STX2: variants seen among roughly 807,000 people sequenced by gnomAD.
STX2 encodes the protein syntaxin-2.
Under a neutral mutation model 40.6 loss-of-function variants are expected in STX2, and 27 were observed. The ratio of observed to expected loss-of-function variants is 0.66; its 90% CI spans 0.49 to 0.92. The LOEUF (loss-of-function observed/expected upper bound fraction) is 0.92. Among genes scored for constraint, STX2 ranks in the 40% least tolerant of loss-of-function variants. The pLI, the probability that STX2 is intolerant of heterozygous loss-of-function variation, is 0.00. For synonymous variants in STX2, 123 were observed against 119.1 expected (o/e 1.03, Z -0.22); for missense variants, 328 against 366.1 (o/e 0.90, Z 0.85).
At chr12:130,805,011 C>T (rs925315909) in intron 6 of STX2, among the ~76,000 whole-genome samples, 4 of 152,128 alleles carry the variant, frequency 2.6e-5, no homozygotes, top group Non-Finnish European at 5.9e-5. Flanking sequence ...GCGGGGCCTT[C>T]AAGCCCAGGC....
rs1950882288 is a variant in STX2 at position 130,791,751 on chromosome 12, T to C, written c.*272A>G. On this transcript the variant is annotated 3_prime_UTR_variant, in exon 11 of 11. Transcript: ENST00000392373. ...GCTGTCACTGAACAAGACGTTCGGTTGTGCTTCTTCCGTGAACTCATACAT... is the reference window on the plus strand; with the variant it reads ...GCTGTCACTGAACAAGACGTTCGGTCGTGCTTCTTCCGTGAACTCATACAT... 2.9e-6 allele frequency: 2 copies of C among 681,194 alleles called. No homozygotes were observed. Among genetic ancestry groups the C allele is most frequent in the African/African-American group, 1.8e-5 (1 of 54,914 alleles). 42.2% of individuals were successfully genotyped at this position (681,194 alleles called of 1,614,324 possible).
intron 1 of STX2, among the ~76,000 whole-genome samples, chr12:130,828,953 T>C (rs1193425145): frequency 1.3e-5 from 2 of 151,186 alleles, no homozygotes; most frequent in African/African-American, 4.9e-5. Context: ...TAGACCCACA[T>C]AGTTTAACAC....
At chr12:130,816,030 T>C (rs1951845938) in intron 3 of STX2, among the ~76,000 whole-genome samples, 1 of 152,154 alleles carries the variant, frequency 6.6e-6, no homozygotes, top group Admixed American at 6.5e-5. Flanking sequence ...GGTCCATAGT[T>C]TGTGGCAGGG....
intron 1 of STX2, among the ~76,000 whole-genome samples, chr12:130,831,528 C>T (rs1443756027): frequency 1.3e-5 from 2 of 151,944 alleles, no homozygotes; most frequent in South Asian, 2.1e-4. Context: ...ATTAGCCAGG[C>T]GTGGTGGCTC....
At chr12:130,833,902 CT>C (rs1377210132) in intron 1 of STX2, among the ~76,000 whole-genome samples, 1 of 152,186 alleles carries the variant, frequency 6.6e-6, no homozygotes, top group Non-Finnish European at 1.5e-5. Context: ...ATGCAGAATA[CT>C]GAGGCTTCAG....
At chr12:130,802,775 G>C (rs983861015) in intron 6 of STX2, among the ~76,000 whole-genome samples, 6 of 152,116 alleles carry the variant, frequency 3.9e-5, no homozygotes, top group Non-Finnish European at 8.8e-5. Flanking sequence ...GCTGGGATTA[G>C]TATACATGTG....
intron 3 of STX2, among the ~76,000 whole-genome samples, chr12:130,814,928 T>C (rs1257725407): frequency 6.6e-6 from 1 of 152,076 alleles, no homozygotes; most frequent in African/African-American, 2.4e-5. Context: ...AGCCACTGCA[T>C]CCAGCCTAAA....
At chr12:130,792,009 T>C in intron 10 of STX2, 32 bp from the exon 11 acceptor site, 2 of 1,471,408 alleles carry the variant, frequency 1.4e-6, no homozygotes, top group East Asian at 2.3e-5. Flanking sequence ...TAATTTGCAA[T>C]GTATCAAAGA....
At chr12:130,833,218 G>A (rs79152194) in intron 1 of STX2, among the ~76,000 whole-genome samples, 5,207 of 151,938 alleles carry the variant, frequency 0.034, 168 homozygotes, top group South Asian at 0.05. Context: ...GAGGAGAGTG[G>A]GAAAGTACAC....
intron 9 of STX2, among the ~76,000 whole-genome samples, chr12:130,796,805 C>T (rs1488476951): frequency 1.3e-5 from 2 of 152,180 alleles, no homozygotes; most frequent in African/African-American, 2.4e-5. Flanking sequence ...AGTACTTGGC[C>T]TTTCGCTCCT....
At chr12:130,836,032 A>C (rs892857153) in intron 1 of STX2, among the ~76,000 whole-genome samples, 2 of 152,130 alleles carry the variant, frequency 1.3e-5, no homozygotes, top group Admixed American at 6.6e-5. Flanking sequence ...GAGGCATTTT[A>C]ACCAACAAAA....
chr12:130,836,847 T>G (rs1457592752), intron 1 of STX2, among the ~76,000 whole-genome samples: 1 of 152,208 alleles, frequency 6.6e-6, no homozygotes, highest in African/African-American at 2.4e-5. Context: ...CTCTGACTGC[T>G]CAGCTGCTGT....
chr12:130,833,539 T>C (rs1446164720), intron 1 of STX2, among the ~76,000 whole-genome samples: 1 of 151,040 alleles, frequency 6.6e-6, no homozygotes, highest in East Asian at 2.0e-4. Flanking sequence ...GCTTCCCAAA[T>C]AGCAGAGATT....
chr12:130,818,274 A>G (rs1469402064), intron 3 of STX2, among the ~76,000 whole-genome samples: 2 of 143,618 alleles, frequency 1.4e-5, no homozygotes, highest in South Asian at 2.2e-4. Context: ...GGGAGGCTGC[A>G]GTGGGAGGAC....
chr12:130,837,731 A>T (rs954866990), intron 1 of STX2, among the ~76,000 whole-genome samples: 3 of 152,210 alleles, frequency 2.0e-5, no homozygotes, highest in African/African-American at 7.2e-5. Context: ...TTCTTCATTA[A>T]ATAAATACCT....
intron 3 of STX2, among the ~76,000 whole-genome samples, chr12:130,821,186 A>AAG (rs1952098769): frequency 6.6e-6 from 1 of 152,182 alleles, no homozygotes; most frequent in Non-Finnish European, 1.5e-5. Flanking sequence ...GAGAATTTGG[A>AAG]TAAACAGGTA....
At chr12:130,818,053 C>T (rs1179789811) in intron 3 of STX2, among the ~76,000 whole-genome samples, 1 of 150,374 alleles carries the variant, frequency 6.7e-6, no homozygotes, top group Non-Finnish European at 1.5e-5. Context: ...CCACGCAGCT[C>T]CTTACGGGGA....
chr12:130,818,185 A>AAAAAAAAAAATATATATATATAT, intron 3 of STX2, among the ~76,000 whole-genome samples: 1 of 70,586 alleles, frequency 1.4e-5, no homozygotes, highest in Non-Finnish European at 2.3e-5. Flanking sequence ...AAAAAAAAAA[A>AAAAAAAAAAATATATATATATAT]ATATATATAT....
chr12:130,800,136 A>G (rs1041451763), intron 8 of STX2, among the ~76,000 whole-genome samples: 4 of 152,182 alleles, frequency 2.6e-5, no homozygotes, highest in African/African-American at 9.7e-5. Flanking sequence ...CCAGCAACAG[A>G]GTCTTATCTC....
Sources: allele counts gnomAD v4.1 joint callset (sites outside exome capture counted in the v4.1 genomes callset), GRCh38; gene constraint gnomAD v4.1.1; transcripts MANE v1.5; gene names NCBI Gene and HGNC (gene_info 2026-07-23, HGNC 2026-07-21).